Variants in PARD3 observed in about 807,000 individuals in gnomAD.
PARD3 encodes partitioning defective 3 homolog.
In PARD3, 75 loss-of-function variants were observed where a neutral mutation model predicts 155.4. The observed-to-expected ratio is 0.48, with a 90% CI of 0.40 to 0.58. The LOEUF is 0.58. Among genes scored for constraint, PARD3 ranks in the 20% least tolerant of loss-of-function variants. PARD3 has a pLI of 0.00. For missense variants in PARD3, 1,642 were observed against 1,721.7 expected (o/e 0.95, Z 0.82); for synonymous variants, 576 against 610.5 (o/e 0.94, Z 0.83).
At chr10:34,668,154 C>CA (rs2093534610) in intron 2 of PARD3, among the ~76,000 whole-genome samples, 1 of 152,198 alleles carries the variant, frequency 6.6e-6, no homozygotes, top group Non-Finnish European at 1.5e-5. Flanking sequence ...TCCTCATCTG[C>CA]AACAACTACA....
intron 15 of PARD3, chr10:34,343,826 T>G: frequency 1.0e-6 from 1 of 980,564 alleles, no homozygotes; most frequent in Non-Finnish European, 1.2e-6. Flanking sequence ...ACAAACTAAG[T>G]AAACTAGTCA....
At chr10:34,329,530 A>G (rs1292460676) in intron 19 of PARD3, among the ~76,000 whole-genome samples, 1 of 152,208 alleles carries the variant, frequency 6.6e-6, no homozygotes, top group Non-Finnish European at 1.5e-5. Flanking sequence ...CTTGGAGACC[A>G]GGTTTGGCAG....
At chr10:34,204,064 T>G (rs547056480) in intron 22 of PARD3, among the ~76,000 whole-genome samples, 17 of 152,222 alleles carry the variant, frequency 1.1e-4, no homozygotes, top group Non-Finnish European at 2.1e-4. Flanking sequence ...GTAAATGTGT[T>G]GACTAAGCCT....
rs1395469453 is a variant in PARD3, at chr10:34,111,034, C to T, written c.*135G>A. ...AAGGCCTTCCATTTCTTTGCCTACA[C>T]CGCTTAAAGGCACTGATACCAACAA... On this transcript the variant is annotated 3_prime_UTR_variant, in exon 25 of 25. Coordinates refer to ENST00000374788, the MANE Select transcript of PARD3 (RefSeq NM_001184785.2). 5.3e-6 allele frequency: 5 copies of T among 938,608 alleles called. No homozygotes were observed. In the Admixed American group the frequency reaches 7.4e-5, roughly 14 times the overall value. The allele number at this position is 938,608 out of a possible 1,614,324, so 58.1% of individuals were successfully genotyped here. A position where few individuals can be genotyped will look rare whatever the true frequency, so the allele number is the denominator to read the frequency against.
intron 2 of PARD3, among the ~76,000 whole-genome samples, chr10:34,594,003 C>A (rs751270646): frequency 2.0e-5 from 3 of 152,274 alleles, no homozygotes; most frequent in Admixed American, 6.5e-5. Context: ...CAAGACTCTG[C>A]GACTCAGCTG....
Position 34,505,711 on chromosome 10 carries a change from C to T in PARD3, c.403+11268G>A, listed in dbSNP as rs7912071. ...TAATACTTCCCTGGCCAATGGACTG[C>T]ACCAGTTACTATTATAAAGTGTAAA... On this transcript the variant is annotated intron_variant, in intron 3 of 24. Transcript: ENST00000374788. 9.3e-3 allele frequency among the ~76,000 whole-genome samples: 1,411 copies of T among 152,286 alleles called. 27 individuals carry two copies. The highest frequency in any genetic ancestry group is 0.033 in the African/African-American group (1,350 of 41,532).
intron 1 of PARD3, among the ~76,000 whole-genome samples, chr10:34,719,088 C>A (rs1590803735): frequency 6.6e-6 from 1 of 152,238 alleles, no homozygotes; most frequent in Non-Finnish European, 1.5e-5. Flanking sequence ...TTTCTCCCCA[C>A]AATATACTGA....
intron 19 of PARD3, among the ~76,000 whole-genome samples, chr10:34,318,767 A>T (rs1402930573): frequency 4.6e-5 from 7 of 151,682 alleles, no homozygotes; most frequent in Non-Finnish European, 8.8e-5. Flanking sequence ...GAATTTTTTT[A>T]TTTTTTTTAT....
At chr10:34,565,624 G>C (rs1015547738) in intron 2 of PARD3, among the ~76,000 whole-genome samples, 4 of 152,054 alleles carry the variant, frequency 2.6e-5, no homozygotes, top group Non-Finnish European at 5.9e-5. Context: ...TGTGTTCCTG[G>C]TTCTTAAAAT....
intron 3 of PARD3, among the ~76,000 whole-genome samples, chr10:34,474,251 G>A (rs914038295): frequency 6.6e-6 from 1 of 152,216 alleles, no homozygotes; most frequent in Non-Finnish European, 1.5e-5. Context: ...ATGGTTGGAA[G>A]TGCTGTAAGA....
chr10:34,651,011 C>CAAAAAAAAAAAAAAA (rs60113552), intron 2 of PARD3, among the ~76,000 whole-genome samples: 7 of 44,542 alleles, frequency 1.6e-4, no homozygotes, highest in Admixed American at 3.1e-4. Flanking sequence ...AACTCTGTCT[C>CAAAAAAAAAAAAAAA]AAAAAAAAAA....
At chr10:34,807,835 C>T (rs1282218619) in intron 1 of PARD3, among the ~76,000 whole-genome samples, 1 of 151,444 alleles carries the variant, frequency 6.6e-6, no homozygotes, top group Non-Finnish European at 1.5e-5. Context: ...CTTGCAAGGA[C>T]CAATATGAGT....
intron 2 of PARD3, among the ~76,000 whole-genome samples, chr10:34,666,774 C>G (rs2093480138): frequency 2.7e-4 from 1 of 3,654 alleles, no homozygotes; most frequent in Non-Finnish European, 2.8e-3. Context: ...CTACCCCTCC[C>G]CCTAAAAAAA....
chr10:34,230,311 C>A (rs1197613678), intron 22 of PARD3, among the ~76,000 whole-genome samples: 2 of 152,122 alleles, frequency 1.3e-5, no homozygotes, highest in Non-Finnish European at 2.9e-5. Flanking sequence ...GCAGGTACTA[C>A]CTGGAAGAAC....
chr10:34,541,390 C>T (rs1386520809), intron 2 of PARD3, among the ~76,000 whole-genome samples: 1 of 152,160 alleles, frequency 6.6e-6, no homozygotes, highest in African/African-American at 2.4e-5. Flanking sequence ...AAGCCATCTG[C>T]CCCAAGATAC....
intron 22 of PARD3, among the ~76,000 whole-genome samples, chr10:34,171,950 C>CAAAAAAAAAAAAA (rs71033303): frequency 2.1e-5 from 1 of 47,248 alleles, no homozygotes; most frequent in Admixed American, 3.4e-4. Context: ...GACTCCATCT[C>CAAAAAAAAAAAAA]AAAAAAAAAA....
At position 34,427,329 on chromosome 10, in the gene PARD3, C is replaced by T. The variant is rs192346527; in HGVS notation, c.714+22988G>A. Reference sequence around the variant, plus strand: ...TCTGAGAAAAGAATGCATTCCCAGGCGGGGCCTCTCAAATGGCCACCCTGG... The same window carrying T: ...TCTGAGAAAAGAATGCATTCCCAGGTGGGGCCTCTCAAATGGCCACCCTGG... On this transcript the variant is annotated intron_variant, in intron 5 of 24. Transcript: ENST00000374788. 3.1e-3 allele frequency among the ~76,000 whole-genome samples: 471 copies of T among 152,280 alleles called. 2 individuals carry two copies. The highest frequency in any genetic ancestry group is 0.01 in the African/African-American group (435 of 41,570).
chr10:34,175,513 GA>G (rs1311285119), intron 22 of PARD3, among the ~76,000 whole-genome samples: 1 of 152,052 alleles, frequency 6.6e-6, no homozygotes, highest in Non-Finnish European at 1.5e-5. Context: ...TTGTCTACAT[GA>G]ATTTTTGACT....
intron 20 of PARD3, chr10:34,312,190 G>A: frequency 7.6e-7 from 1 of 1,308,962 alleles, no homozygotes. Flanking sequence ...GTTCCAAATG[G>A]ATTAATAAGG....
Sources: allele counts gnomAD v4.1 joint callset (sites outside exome capture counted in the v4.1 genomes callset), GRCh38; gene constraint gnomAD v4.1.1; transcripts MANE v1.5; gene names NCBI Gene and HGNC (gene_info 2026-07-23, HGNC 2026-07-21).